LHX8: variants seen among roughly 807,000 people sequenced by gnomAD.
LHX8 encodes the protein LIM/homeobox protein Lhx8.
A neutral mutation model predicts 40.3 loss-of-function variants in LHX8; 12 were observed. The ratio of observed to expected loss-of-function variants is 0.30; its 90% CI spans 0.19 to 0.48. LHX8 has a LOEUF of 0.48. Ranked by LOEUF, LHX8 falls within the 20% of genes least tolerant of loss-of-function variation. LHX8 has a pLI of 0.99. For missense variants in LHX8, 344 were observed against 433.7 expected (o/e 0.79, Z 1.84); for synonymous variants, 179 against 162.0 (o/e 1.10, Z -0.80).
chr1:75,176,296 A>G, the LHX8 span, among the ~76,000 whole-genome samples: 27 of 152,302 alleles, frequency 1.8e-4, no homozygotes, highest in East Asian at 5.2e-3. Flanking sequence ...CAACAGGGTA[A>G]ACACATTCTT....
chr1:75,199,312 G>T, the LHX8 span, among the ~76,000 whole-genome samples: 1 of 152,062 alleles, frequency 6.6e-6, no homozygotes, highest in South Asian at 2.1e-4. Context: ...TATCCTTTCT[G>T]TGCAGACACA....
chr1:75,151,617 C>T (rs1388849559), intron 7 of LHX8, among the ~76,000 whole-genome samples: 9 of 152,212 alleles, frequency 5.9e-5, no homozygotes, highest in African/African-American at 1.2e-4. Context: ...ACAAATGGCA[C>T]GGACTACCAA....
At chr1:75,133,150 G>A (rs1648017857), upstream of LHX8, 2 of 152,222 alleles carry the variant, frequency 1.3e-5, no homozygotes, top group Admixed American at 6.5e-5. Flanking sequence ...GGACCGGCAG[G>A]GGGATGGCTA....
chr1:75,155,476 C>G (rs778781833), intron 7 of LHX8, among the ~76,000 whole-genome samples: 1 of 152,024 alleles, frequency 6.6e-6, no homozygotes, highest in Admixed American at 6.6e-5. Flanking sequence ...CCTTGTGATT[C>G]GCCCGCCTTG....
intron 3 of LHX8, among the ~76,000 whole-genome samples, chr1:75,137,961 T>A (rs2100333392): frequency 6.6e-6 from 1 of 152,348 alleles, no homozygotes; most frequent in South Asian, 2.1e-4. Flanking sequence ...TACATCATCT[T>A]GAGTGCTTGG....
At chr1:75,159,408 C>T (rs180936465) in intron 8 of LHX8, 5 of 152,166 alleles carry the variant, frequency 3.3e-5, no homozygotes, top group Admixed American at 2.6e-4. Context: ...CTTTTGCCTC[C>T]TCAAATATTG....
At chr1:75,169,268 T>A in the LHX8 span, among the ~76,000 whole-genome samples, 1 of 152,228 alleles carries the variant, frequency 6.6e-6, no homozygotes, top group African/African-American at 2.4e-5. Flanking sequence ...AGATTTGGAA[T>A]GAGACAGCTT....
At chr1:75,128,700 C>G (rs1309307930) in intron 1 of LHX8, 1 of 152,198 alleles carries the variant, frequency 6.6e-6, no homozygotes, top group Non-Finnish European at 1.5e-5. Flanking sequence ...GCTATGATTA[C>G]TGCCATTTTC....
chr1:75,150,032 A>T (rs570663783), intron 7 of LHX8, among the ~76,000 whole-genome samples: 1 of 152,282 alleles, frequency 6.6e-6, no homozygotes, highest in South Asian at 2.1e-4. Flanking sequence ...ACTTGAGTAC[A>T]GGAGTTTGAT....
At chr1:75,169,784 G>A in the LHX8 span, among the ~76,000 whole-genome samples, 8 of 152,196 alleles carry the variant, frequency 5.3e-5, no homozygotes, top group African/African-American at 1.7e-4. Flanking sequence ...CCAGAAGCCT[G>A]ATTGATCTTG....
Position 75,161,393 on chromosome 1 carries a change from A to G in LHX8, c.*498A>G. 5.9e-6 allele frequency: 1 copy of G among 168,934 alleles called. No individual in the cohort carries two copies. Among genetic ancestry groups the G allele is most frequent in the Middle Eastern group, 2.9e-3 (1 of 346 alleles). 10.5% of individuals were successfully genotyped at this position (168,934 alleles called of 1,614,324 possible). On this transcript the variant is annotated 3_prime_UTR_variant, in exon 9 of 9. Transcript: ENST00000356261. ...TGCCAATGTTTTCTGAATGAACTGA[A>G]TAAAGCTTCTGTTGTAGCATGCCAT...
At chr1:75,136,070 T>G (rs2100329324) in intron 1 of LHX8, among the ~76,000 whole-genome samples, 1 of 152,348 alleles carries the variant, frequency 6.6e-6, no homozygotes, top group East Asian at 1.9e-4. Flanking sequence ...CCTCTTCACC[T>G]TTCGGGCTAT....
chr1:75,161,197 T>C lies in LHX8; in HGVS notation c.*302T>C, dbSNP rs923888147. 11 of 324,536 alleles carry C rather than the reference T, an allele frequency of 3.4e-5. No individual in the cohort carries two copies. Among genetic ancestry groups the C allele is most frequent in the Non-Finnish European group, 5.8e-5 (10 of 173,792 alleles). 20.1% of individuals were successfully genotyped at this position (324,536 alleles called of 1,614,324 possible). A position where few individuals can be genotyped will look rare whatever the true frequency, so the allele number is the denominator to read the frequency against. ...TTTGTCATCAAAAGAGCACTTTGCC[T>C]AAAAGAAAGGACTGACAAGTGTGCA... On this transcript the variant is annotated 3_prime_UTR_variant, in exon 9 of 9. Coordinates refer to ENST00000356261, the MANE Select transcript of LHX8 (RefSeq NM_001256114.2).
the LHX8 span, among the ~76,000 whole-genome samples, chr1:75,195,860 T>C: frequency 6.6e-6 from 1 of 152,134 alleles, no homozygotes; most frequent in Non-Finnish European, 1.5e-5. Context: ...ATACCTACTT[T>C]CAATATTCTT....
At chr1:75,162,729 G>A (rs1648947161), downstream of LHX8, among the ~76,000 whole-genome samples, 1 of 152,136 alleles carries the variant, frequency 6.6e-6, no homozygotes, top group Non-Finnish European at 1.5e-5. Context: ...AGAGATAGAT[G>A]TGAAAGTACT....
rs112123044 is a variant in LHX8 at position 75,140,477 on chromosome 1, A to G, written c.238-508A>G. 3.4e-3 allele frequency among the ~76,000 whole-genome samples: 518 copies of G among 152,294 alleles called. 3 individuals are homozygous for G. The highest frequency in any genetic ancestry group is 0.012 in the African/African-American group (490 of 41,582). ...CAATTTCTGTCCTGTATAGGTAACT[A>G]TCTTATAAACCTGCATTTTCACTTT... is the stretch of plus-strand genomic sequence containing the variant. On this transcript the variant is annotated intron_variant, in intron 3 of 8. Transcript: ENST00000356261.
chr1:75,150,939 T>G (rs970234468), intron 7 of LHX8, among the ~76,000 whole-genome samples: 1 of 152,094 alleles, frequency 6.6e-6, no homozygotes, highest in African/African-American at 2.4e-5. Flanking sequence ...CCTTCCAAAG[T>G]GACGGGATTA....
upstream of LHX8, chr1:75,130,968 T>C (rs534510598): frequency 7.2e-4 from 435 of 603,930 alleles, 1 homozygote; most frequent in Middle Eastern, 6.4e-3. Context: ...CGCGAAAGTC[T>C]CCCCATCCTC....
At chr1:75,129,825 G>C (rs984579467), upstream of LHX8, 2 of 152,188 alleles carry the variant, frequency 1.3e-5, no homozygotes, top group Non-Finnish European at 2.9e-5. Context: ...CTTGATCAGC[G>C]AACTCCAGGC....
Sources: allele counts gnomAD v4.1 joint callset (sites outside exome capture counted in the v4.1 genomes callset), GRCh38; gene constraint gnomAD v4.1.1; transcripts MANE v1.5; gene names NCBI Gene and HGNC (gene_info 2026-07-23, HGNC 2026-07-21).